The following ADAMTS3 variants were observed in gnomAD, a reference collection of about 807,000 sequenced individuals.
The protein encoded by ADAMTS3 is ADAM metallopeptidase with thrombospondin type 1 motif 3.
Under a neutral mutation model 129.0 loss-of-function variants are expected in ADAMTS3, and 73 were observed. The ratio of observed to expected loss-of-function variants is 0.57; its 90% CI spans 0.47 to 0.69. The LOEUF (loss-of-function observed/expected upper bound fraction) is 0.69. Ranked by LOEUF, ADAMTS3 falls within the 30% of genes least tolerant of loss-of-function variation. ADAMTS3 has a pLI of 0.00. For missense variants in ADAMTS3, 1,457 were observed against 1,514.5 expected, an observed-to-expected ratio of 0.96 and a Z score of 0.63; for synonymous variants, 477 against 510.8, an observed-to-expected ratio of 0.93 and a Z score of 0.89.
At chr4:72,534,326 C>T (rs1053808933) in intron 3 of ADAMTS3, among the ~76,000 whole-genome samples, 9 of 123,156 alleles carry the variant, frequency 7.3e-5, no homozygotes, top group African/African-American at 2.7e-4. Context: ...GACTCCGTCT[C>T]AAAAAAAAAA....
intron 5 of ADAMTS3, among the ~76,000 whole-genome samples, chr4:72,328,560 G>A (rs906332411): frequency 6.6e-6 from 1 of 152,112 alleles, no homozygotes; most frequent in Non-Finnish European, 1.5e-5. Context: ...GTGATGCTGG[G>A]CATGTTATTT....
chr4:72,458,018 C>T (rs1333011169), intron 3 of ADAMTS3, among the ~76,000 whole-genome samples: 1 of 151,576 alleles, frequency 6.6e-6, no homozygotes, highest in African/African-American at 2.4e-5. Flanking sequence ...TCCGTTTCTT[C>T]AGCAGTAACT....
chr4:72,446,114 T>C (rs1174983761), intron 3 of ADAMTS3, among the ~76,000 whole-genome samples: 3 of 151,702 alleles, frequency 2.0e-5, no homozygotes, highest in East Asian at 3.9e-4. Flanking sequence ...GGACTTTCAA[T>C]TGTCCTACCT....
chr4:72,567,888 T>C (rs980952780), intron 1 of ADAMTS3: 7 of 155,936 alleles, frequency 4.5e-5, no homozygotes, highest in African/African-American at 1.7e-4. Flanking sequence ...ATCGGCCCAG[T>C]GCTGATATGA....
intron 3 of ADAMTS3, among the ~76,000 whole-genome samples, chr4:72,488,526 C>T (rs931828508): frequency 6.6e-6 from 1 of 151,868 alleles, no homozygotes; most frequent in Non-Finnish European, 1.5e-5. Flanking sequence ...TCACTTCCAC[C>T]ACTTCTAACC....
Position 72,306,074 on chromosome 4 carries a change from A to G in ADAMTS3, c.2180-7T>C, listed in dbSNP as rs760581563. 8 of 1,593,982 alleles carry G rather than the reference A, an allele frequency of 5.0e-6. No homozygotes were observed. Among genetic ancestry groups the G allele is most frequent in the Admixed American group, 3.6e-5 (2 of 55,514 alleles). On this transcript the variant is annotated splice_region_variant and splice_polypyrimidine_tract_variant and intron_variant, in intron 15 of 21. Coordinates refer to ENST00000286657, the MANE Select transcript of ADAMTS3 (RefSeq NM_014243.3). ...TCAAACATCTTAAGGTACCCTTTGC[A>G]TGTGTAGTAAATATTGTAGGAAGCA...
At chr4:72,450,488 C>T (rs189277858) in intron 3 of ADAMTS3, among the ~76,000 whole-genome samples, 6 of 151,810 alleles carry the variant, frequency 4.0e-5, no homozygotes, top group African/African-American at 1.4e-4. Flanking sequence ...TGACCATTCC[C>T]AAATTATCAT....
At chr4:72,301,417 C>T (rs746929838) in intron 17 of ADAMTS3, among the ~76,000 whole-genome samples, 43 of 151,846 alleles carry the variant, frequency 2.8e-4, no homozygotes, top group African/African-American at 9.4e-4. Context: ...AAAGAGCTCT[C>T]GAAACTCAAC....
intron 4 of ADAMTS3, 89 bp downstream of exon 4, chr4:72,414,726 G>A: frequency 1.0e-6 from 1 of 1,002,456 alleles, no homozygotes; most frequent in Non-Finnish European, 1.4e-6. Context: ...AAGAGAACAT[G>A]GCAATCACAT....
At chr4:72,294,840 G>A (rs1448827512) in intron 19 of ADAMTS3, among the ~76,000 whole-genome samples, 2 of 152,028 alleles carry the variant, frequency 1.3e-5, no homozygotes, top group African/African-American at 2.4e-5. Flanking sequence ...ATAGTTTGGA[G>A]TAACAGTAAA....
At chr4:72,321,345 G>GT (rs33935571) in intron 6 of ADAMTS3, among the ~76,000 whole-genome samples, 28,590 of 148,788 alleles carry the variant, frequency 0.19, 3,452 homozygotes, top group East Asian at 0.43. Flanking sequence ...CTTTTTTTTT[G>GT]TTTTTTTTTG....
chr4:72,568,951 T>C lies in ADAMTS3; in HGVS notation c.-189A>G. The C allele has an allele frequency of 1.6e-6, 1 of 616,332 alleles. No individual in the cohort carries two copies. Among genetic ancestry groups the C allele is most frequent in the Non-Finnish European group, 2.9e-6 (1 of 343,774 alleles). 38.2% of individuals were successfully genotyped at this position (616,332 alleles called of 1,614,324 possible). The stretch of plus-strand genomic sequence containing the variant: ...GAGCTCTGAGACTGGCCCCCTCTGC[T>C]CTGCAGTTTTTTCCACTTCACCTTC... On this transcript the variant is annotated 5_prime_UTR_variant, in exon 1 of 22. Transcript: ENST00000286657.
chr4:72,459,424 A>G (rs546123548), intron 3 of ADAMTS3, among the ~76,000 whole-genome samples: 1 of 151,788 alleles, frequency 6.6e-6, no homozygotes, highest in East Asian at 1.9e-4. Flanking sequence ...CCTTAGCAAT[A>G]AACGCAAATT....
chr4:72,443,561 A>C lies in ADAMTS3; in HGVS notation c.505-28590T>G, dbSNP rs182246368. ...ACAAATTAATTTCCTACAAAAGATA[A>C]AGTAGTTTAATACTTGTTCACAGTT... is the stretch of plus-strand genomic sequence containing the variant. On this transcript the variant is annotated intron_variant, in intron 3 of 21. Coordinates refer to ENST00000286657, the MANE Select transcript of ADAMTS3 (RefSeq NM_014243.3). Among the ~76,000 whole-genome samples the C allele has an allele frequency of 6.0e-3, 913 of 151,798 alleles. 26 individuals carry two copies. The highest frequency in any genetic ancestry group is 2.4e-3 in the Non-Finnish European group (162 of 67,790).
At chr4:72,485,530 T>C (rs1429102973) in intron 3 of ADAMTS3, among the ~76,000 whole-genome samples, 1 of 152,174 alleles carries the variant, frequency 6.6e-6, no homozygotes, top group Non-Finnish European at 1.5e-5. Flanking sequence ...TAAAGATCAT[T>C]GGAAAAATAT....
At chr4:72,373,616 G>A (rs1300047206) in intron 4 of ADAMTS3, among the ~76,000 whole-genome samples, 1 of 152,020 alleles carries the variant, frequency 6.6e-6, no homozygotes, top group Non-Finnish European at 1.5e-5. Flanking sequence ...TAGTGGTGAG[G>A]GGCTGGGCAT....
intron 3 of ADAMTS3, among the ~76,000 whole-genome samples, chr4:72,455,849 ATT>A (rs1400273901): frequency 0.015 from 1,927 of 124,904 alleles, 133 homozygotes; most frequent in African/African-American, 0.055. Context: ...TATACTATAT[ATT>A]TTATATATAG....
intron 3 of ADAMTS3, among the ~76,000 whole-genome samples, chr4:72,518,595 C>A (rs1472942903): frequency 3.3e-5 from 5 of 152,036 alleles, no homozygotes; most frequent in African/African-American, 9.7e-5. Flanking sequence ...TATGTAATAG[C>A]CTTCTTTGTC....
intron 3 of ADAMTS3, among the ~76,000 whole-genome samples, chr4:72,507,408 G>A (rs1720191533): frequency 6.6e-6 from 1 of 152,046 alleles, no homozygotes. Context: ...CTAGATAAGG[G>A]CCATACGAAA....
Sources: allele counts gnomAD v4.1 joint callset (sites outside exome capture counted in the v4.1 genomes callset), GRCh38; gene constraint gnomAD v4.1.1; transcripts MANE v1.5; gene names NCBI Gene and HGNC (gene_info 2026-07-23, HGNC 2026-07-21).